Variants in ABHD17C observed in about 807,000 individuals in gnomAD.
ABHD17C encodes abhydrolase domain containing 17C, depalmitoylase.
A neutral mutation model predicts 27.9 loss-of-function variants in ABHD17C; 11 were observed. The ratio of observed to expected loss-of-function variants is 0.39; its 90% confidence interval spans 0.25 to 0.65. The LOEUF (loss-of-function observed/expected upper bound fraction) is 0.65, where lower values mean the gene tolerates loss of function less well. Ranked by LOEUF, ABHD17C falls within the 30% of genes least tolerant of loss-of-function variation. ABHD17C has a pLI of 0.45. For missense variants in ABHD17C, 280 were observed against 470.2 expected (o/e 0.60, Z 3.74); for synonymous variants, 233 against 209.1 (o/e 1.11, Z -0.98).
chr15:80,707,669 C>T (rs947721108), intron 1 of ABHD17C, among the ~76,000 whole-genome samples: 1 of 151,864 alleles, frequency 6.6e-6, no homozygotes, highest in Admixed American at 6.6e-5. Context: ...GAGGGTTGGA[C>T]AAGCTTAATC....
chr15:80,713,355 T>G (rs1256099087), intron 1 of ABHD17C, among the ~76,000 whole-genome samples: 1 of 20,922 alleles, frequency 4.8e-5, no homozygotes, highest in South Asian at 1.6e-3. Context: ...GGTCTTGTTC[T>G]TTTTTTTTTT....
chr15:80,742,748 G>C (rs1895227495), intron 1 of ABHD17C, among the ~76,000 whole-genome samples: 1 of 152,172 alleles, frequency 6.6e-6, no homozygotes, highest in Non-Finnish European at 1.5e-5. Flanking sequence ...GCTTGGGGAA[G>C]ATGAGCCAGT....
intron 1 of ABHD17C, among the ~76,000 whole-genome samples, chr15:80,734,307 T>TTG (rs1197036323): frequency 1.3e-5 from 2 of 152,204 alleles, no homozygotes; most frequent in Admixed American, 1.3e-4. Flanking sequence ...ATAAGCCAGC[T>TTG]TGTGCAGTCT....
chr15:80,706,762 A>G (rs571693609), intron 1 of ABHD17C, among the ~76,000 whole-genome samples: 1 of 152,324 alleles, frequency 6.6e-6, no homozygotes, highest in South Asian at 2.1e-4. Flanking sequence ...CTGTGATACT[A>G]GAACAAGAAT....
intron 1 of ABHD17C, among the ~76,000 whole-genome samples, chr15:80,731,734 T>A (rs2141511406): frequency 6.6e-6 from 1 of 152,346 alleles, no homozygotes; most frequent in Middle Eastern, 3.4e-3. Flanking sequence ...TACTGTTTAC[T>A]GTTTTTACTT....
chr15:80,722,994 T>G (rs750619443), intron 1 of ABHD17C, among the ~76,000 whole-genome samples: 20 of 152,214 alleles, frequency 1.3e-4, no homozygotes, highest in Non-Finnish European at 2.6e-4. Context: ...GCACAACTTG[T>G]GGATACGGAG....
Position 80,695,975 on chromosome 15 carries a change from C to G in ABHD17C, c.546C>G (p.Asn182Lys), listed in dbSNP as rs1484606126. The change falls in exon 1 of 3, where the codon AAC becomes AAG. Residue 182 changes from asparagine (N) to lysine (K), a missense_variant. Asn to Lys is a moderately conservative substitution (Grantham distance 94). This residue lies in a region of ABHD17C where 206 missense variants were observed against 394.7 expected (regional missense o/e 0.52). Coordinates refer to ENST00000258884, the MANE Select transcript of ABHD17C (RefSeq NM_021214.2). The surrounding 1 kb of genome is among the most constrained non-coding windows in gnomAD (Gnocchi z 4.3). Reference sequence around the variant, plus strand: ...GCTCGGGCAAGCCCTCCGAGAAGAACCTCTACGCCGACATCGACGCCGCGT... The same window carrying G: ...GCTCGGGCAAGCCCTCCGAGAAGAAGCTCTACGCCGACATCGACGCCGCGT... ...GVSSGKPSEK[N>K]LYADIDAAWQ... The G allele has an allele frequency of 6.3e-7, 1 of 1,590,492 alleles. No homozygotes were observed. The highest frequency in any genetic ancestry group is 8.5e-7 in the Non-Finnish European group (1 of 1,176,234).
intron 1 of ABHD17C, among the ~76,000 whole-genome samples, chr15:80,740,333 A>G (rs1182583674): frequency 1.3e-5 from 2 of 152,162 alleles, no homozygotes; most frequent in Non-Finnish European, 2.9e-5. Context: ...GACTCTGATC[A>G]GAAACATCAT....
intron 1 of ABHD17C, among the ~76,000 whole-genome samples, chr15:80,741,017 T>A (rs189404532): frequency 2.9e-4 from 44 of 152,298 alleles, no homozygotes; most frequent in African/African-American, 1.1e-3. Flanking sequence ...GAGCAGACAT[T>A]GCCGTTGCCC....
chr15:80,725,103 C>T (rs1313999971), intron 1 of ABHD17C, among the ~76,000 whole-genome samples: 2 of 152,186 alleles, frequency 1.3e-5, no homozygotes, highest in African/African-American at 4.8e-5. Context: ...CTAACCAACA[C>T]GATTTTGTCT....
chr15:80,732,268 T>TG (rs1895067453), intron 1 of ABHD17C, among the ~76,000 whole-genome samples: 1 of 152,206 alleles, frequency 6.6e-6, no homozygotes, highest in Non-Finnish European at 1.5e-5. Flanking sequence ...TTGTGCCTGA[T>TG]GCAGAAGCTG....
chr15:80,695,963 C>T lies in ABHD17C; in HGVS notation c.534C>T (p.Pro178=), dbSNP rs766124940. The change falls in exon 1 of 3, where the codon CCC becomes CCT. Residue 178 remains proline, a synonymous_variant. Transcript: ENST00000258884. The surrounding 1 kb of genome is among the most constrained non-coding windows in gnomAD (Gnocchi z 4.3). The part of the protein sequence containing the change: ...YSGYGVSSGK[P]SEKNLYADID... The stretch of plus-strand genomic sequence containing the variant: ...GATACGGCGTCAGCTCGGGCAAGCC[C>T]TCCGAGAAGAACCTCTACGCCGACA... 4 of 1,593,644 alleles carry T rather than the reference C, an allele frequency of 2.5e-6. No individual in the cohort carries two copies. The South Asian group carries it at 4.4e-5, about 18-fold the overall frequency.
rs1895414394 is a variant in ABHD17C, at chr15:80,754,957, T to G, written c.*587T>G. Reference sequence around the variant, plus strand: ...CCATATAAATATAACTGGAATATTCTTAAACAAAAAGAAACTAGGGGTTTT... The same window carrying G: ...CCATATAAATATAACTGGAATATTCGTAAACAAAAAGAAACTAGGGGTTTT... On this transcript the variant is annotated 3_prime_UTR_variant, in exon 3 of 3. Transcript: ENST00000258884. The G allele has an allele frequency of 6.6e-6, 1 of 152,244 alleles. No homozygotes were observed. Among genetic ancestry groups the G allele is most frequent in the South Asian group, 2.1e-4 (1 of 4,828 alleles). 9.4% of individuals were successfully genotyped at this position (152,244 alleles called of 1,614,324 possible).
At chr15:80,722,512 T>C (rs1415778754) in intron 1 of ABHD17C, among the ~76,000 whole-genome samples, 1 of 152,128 alleles carries the variant, frequency 6.6e-6, no homozygotes, top group African/African-American at 2.4e-5. Flanking sequence ...TGCCATAAAC[T>C]TATCCATCAC....
chr15:80,723,123 T>G (rs1182123584), intron 1 of ABHD17C, among the ~76,000 whole-genome samples: 3 of 96,118 alleles, frequency 3.1e-5, no homozygotes, highest in South Asian at 8.2e-4. Flanking sequence ...TTCCATTGTT[T>G]GTGTGTGTGT....
At chr15:80,713,258 T>G (rs557412662) in intron 1 of ABHD17C, among the ~76,000 whole-genome samples, 120 of 151,896 alleles carry the variant, frequency 7.9e-4, no homozygotes, top group African/African-American at 2.8e-3. Flanking sequence ...CTGCCATTTT[T>G]GGGATGTGGA....
At chr15:80,747,270 C>T (rs534359577) in intron 1 of ABHD17C, among the ~76,000 whole-genome samples, 4 of 152,158 alleles carry the variant, frequency 2.6e-5, no homozygotes, top group African/African-American at 9.6e-5. Flanking sequence ...TTTTTGGGGT[C>T]GTAGACTGCT....
chr15:80,747,147 C>T (rs1895299087), intron 1 of ABHD17C, among the ~76,000 whole-genome samples: 1 of 152,102 alleles, frequency 6.6e-6, no homozygotes, highest in South Asian at 2.1e-4. Context: ...AATGGCCTGT[C>T]CACAAGAGTG....
Position 80,754,411 on chromosome 15 carries a change from G to T in ABHD17C, c.*41G>T, listed in dbSNP as rs1015743901. 5 of 1,545,228 alleles carry T rather than the reference G, an allele frequency of 3.2e-6. No homozygotes were observed. In the African/African-American group the frequency reaches 5.4e-5, roughly 17 times the overall value. On this transcript the variant is annotated 3_prime_UTR_variant, in exon 3 of 3. Coordinates refer to ENST00000258884, the MANE Select transcript of ABHD17C (RefSeq NM_021214.2). ...CTTACCTCATTTACTGTGAACAGAAGAGTCCTCTGTTTTGCACATGCTTTA... is the reference window on the plus strand; with the variant it reads ...CTTACCTCATTTACTGTGAACAGAATAGTCCTCTGTTTTGCACATGCTTTA...
Sources: allele counts gnomAD v4.1 joint callset (sites outside exome capture counted in the v4.1 genomes callset), GRCh38; gene constraint gnomAD v4.1.1; regional missense constraint gnomAD v4.1.1; non-coding constraint Gnocchi (gnomAD v3.1); transcripts MANE v1.5; gene names NCBI Gene and HGNC (gene_info 2026-07-23, HGNC 2026-07-21).